The following SMG6 variants were observed in gnomAD, a reference collection of about 807,000 sequenced individuals.
SMG6 encodes the protein SMG6 nonsense mediated mRNA decay factor, also known as telomerase-binding protein EST1A.
In SMG6, 66 loss-of-function variants were observed where a neutral mutation model predicts 142.2. The observed-to-expected ratio is 0.46, with a 90% CI of 0.38 to 0.57. The LOEUF is 0.57. Ranked by LOEUF, SMG6 falls within the 20% of genes least tolerant of loss-of-function variation. The pLI is 0.00. For synonymous variants in SMG6, 779 were observed against 702.4 expected (o/e 1.11, Z -1.72); for missense variants, 1,793 against 1,832.0 (o/e 0.98, Z 0.39).
At chr17:2,181,611 A>G (rs1317284126) in intron 12 of SMG6, among the ~76,000 whole-genome samples, 1 of 152,220 alleles carries the variant, frequency 6.6e-6, no homozygotes, top group Non-Finnish European at 1.5e-5. Context: ...ATTTGGTCAG[A>G]TTTGCTCTCC....
At chr17:2,129,038 A>G (rs912882072) in intron 13 of SMG6, among the ~76,000 whole-genome samples, 4 of 152,186 alleles carry the variant, frequency 2.6e-5, no homozygotes, top group African/African-American at 9.6e-5. Context: ...GAAGAAAATG[A>G]TAGTTTTAAA....
At chr17:2,108,826 C>T (rs920033851) in intron 13 of SMG6, among the ~76,000 whole-genome samples, 15 of 151,968 alleles carry the variant, frequency 9.9e-5, no homozygotes, top group Admixed American at 2.6e-4. Flanking sequence ...CGCCTGTAAT[C>T]GCAGCTACTC....
intron 12 of SMG6, among the ~76,000 whole-genome samples, chr17:2,181,734 A>C (rs1006642360): frequency 3.3e-5 from 5 of 152,206 alleles, no homozygotes; most frequent in African/African-American, 1.2e-4. Context: ...AGCTTGGACC[A>C]CGTGCCTGCC....
intron 8 of SMG6, among the ~76,000 whole-genome samples, chr17:2,248,382 G>C (rs574480354): frequency 3.3e-5 from 5 of 152,210 alleles, no homozygotes; most frequent in African/African-American, 1.2e-4. Context: ...TTTCCTTCCT[G>C]ATTAGGTAGG....
At position 2,244,674 on chromosome 17, in the gene SMG6, GCT is replaced by G; in HGVS notation, c.2705_2706del (p.Lys902ThrfsTer15). The G allele has an allele frequency of 6.2e-7, 1 of 1,613,598 alleles. No individual in the cohort carries two copies. The highest frequency in any genetic ancestry group is 8.5e-7 in the Non-Finnish European group (1 of 1,179,478). ...CACACTTACCCAATCCGGGTAAACA[GCT>G]TCCCATGGGCATGGAGAAAACTGAG... ...FILSFLHAHG[K>X]LFTRIGMETF... On this transcript the variant is annotated frameshift_variant, in exon 9 of 19. Transcript: ENST00000263073. LOFTEE classifies it high-confidence loss of function.
chr17:2,236,252 T>C (rs2073648362), intron 10 of SMG6, among the ~76,000 whole-genome samples: 1 of 152,046 alleles, frequency 6.6e-6, no homozygotes, highest in Admixed American at 6.5e-5. Context: ...ATCTCTGCAT[T>C]TGCAAATTAA....
At position 2,300,200 on chromosome 17, in the gene SMG6, T is replaced by A. The variant is rs2075247287; in HGVS notation, c.553A>T (p.Asn185Tyr). 2 of 1,614,124 alleles carry A rather than the reference T, an allele frequency of 1.2e-6. No individual in the cohort carries two copies. Among genetic ancestry groups the A allele is most frequent in the East Asian group, 4.5e-5 (2 of 44,888 alleles). ...LRVEEDECRGNVAKEEVANKP... is the reference protein window; with the variant it reads ...LRVEEDECRGYVAKEEVANKP... ...TTCGCAACTTCCTCCTTCGCAACAT[T>A]TCCCCTACACTCATCTTCCTCTACT... is the stretch of plus-strand genomic sequence containing the variant. The change falls in exon 2 of 19, where the codon AAT (asparagine) becomes TAT (tyrosine). Residue 185 changes from asparagine (N) to tyrosine (Y), a missense_variant. Coordinates refer to ENST00000263073, the MANE Select transcript of SMG6 (RefSeq NM_017575.5).
At chr17:2,130,266 C>CAAAAAAAAAAAAAAAAAAAAAAAAA (rs903007543) in intron 13 of SMG6, among the ~76,000 whole-genome samples, 7 of 39,518 alleles carry the variant, frequency 1.8e-4, no homozygotes, top group East Asian at 1.4e-3. Flanking sequence ...GACTCCGTCT[C>CAAAAAAAAAAAAAAAAAAAAAAAAA]AAAAAAAAAA....
chr17:2,125,021 T>A (rs940951177), intron 13 of SMG6, among the ~76,000 whole-genome samples: 1 of 152,176 alleles, frequency 6.6e-6, no homozygotes, highest in Non-Finnish European at 1.5e-5. Flanking sequence ...GAATTTCTTT[T>A]AAAAACACCT....
intron 7 of SMG6, 95 bp downstream of exon 7, chr17:2,283,530 G>T: frequency 1.0e-6 from 1 of 971,540 alleles, no homozygotes; most frequent in Non-Finnish European, 1.7e-6. Flanking sequence ...AACCTCACTG[G>T]CTACGATCCT....
intron 12 of SMG6, among the ~76,000 whole-genome samples, chr17:2,179,073 C>T (rs1009622565): frequency 6.6e-6 from 1 of 152,144 alleles, no homozygotes; most frequent in African/African-American, 2.4e-5. Flanking sequence ...GGGCTCCTGC[C>T]GTGGGAGAGA....
intron 12 of SMG6, among the ~76,000 whole-genome samples, chr17:2,174,975 C>A (rs2071614282): frequency 6.6e-6 from 1 of 152,222 alleles, no homozygotes; most frequent in Admixed American, 6.5e-5. Context: ...TGCCCCACAG[C>A]CCTGATAGTT....
chr17:2,093,670 C>T (rs547659348), intron 13 of SMG6, among the ~76,000 whole-genome samples: 1 of 152,242 alleles, frequency 6.6e-6, no homozygotes, highest in South Asian at 2.1e-4. Context: ...GCTTACCTGG[C>T]TGTTGAAGCT....
At chr17:2,303,095 G>A in intron 1 of SMG6, 1 of 985,430 alleles carries the variant, frequency 1.0e-6, no homozygotes, top group Non-Finnish European at 1.2e-6. Context: ...CACATGCCAG[G>A]GCCAAACCCG....
intron 10 of SMG6, among the ~76,000 whole-genome samples, chr17:2,219,890 C>G (rs565173703): frequency 2.0e-5 from 3 of 151,902 alleles, no homozygotes; most frequent in Non-Finnish European, 2.9e-5. Flanking sequence ...GCCAAAACCC[C>G]TTCACCCAAC....
At position 2,201,971 on chromosome 17, in the gene SMG6, C is replaced by G. The variant is rs547544461; in HGVS notation, c.2870-13456G>C. On this transcript the variant is annotated intron_variant, in intron 10 of 18. Transcript: ENST00000263073. ...CCCAGAAGGTGGAGGTTGTAGTGAG[C>G]TGAGATCATGCCGCTGCACTCCAGC... Among the ~76,000 whole-genome samples the G allele has an allele frequency of 2.0e-5, 3 of 152,160 alleles. No individual in the cohort carries two copies. In the South Asian group the frequency reaches 6.2e-4, roughly 32 times the overall value.
rs1415323724 is a variant in SMG6 at position 2,139,427 on chromosome 17, T to TTTTTC, written c.3357+33230_3357+33231insGAAAA. ...TATGGAAAAGTGCCTGCTTTTTTCT[T>TTTTTC]TTTTTTTTTTTTGAGATGGAGTCTC... On this transcript the variant is annotated intron_variant, in intron 13 of 18. Transcript: ENST00000263073. Among the ~76,000 whole-genome samples the TTTTTC allele has an allele frequency of 1.2e-3, 174 of 144,436 alleles. 2 individuals carry two copies. The highest frequency in any genetic ancestry group is 4.3e-3 in the African/African-American group (161 of 37,772). The allele number at this position is 144,436 out of a possible 152,430, so 94.8% of individuals were successfully genotyped here. A position where few individuals can be genotyped will look rare whatever the true frequency, so the allele number is the denominator to read the frequency against.
chr17:2,194,388 A>G (rs2072253952), intron 10 of SMG6, among the ~76,000 whole-genome samples: 1 of 152,224 alleles, frequency 6.6e-6, no homozygotes, highest in Non-Finnish European at 1.5e-5. Context: ...ACAATGAGGG[A>G]GACCAGTTGG....
chr17:2,185,447 C>T (rs950009130), intron 12 of SMG6, among the ~76,000 whole-genome samples: 1 of 151,728 alleles, frequency 6.6e-6, no homozygotes, highest in Non-Finnish European at 1.5e-5. Flanking sequence ...TTTATGTCAC[C>T]GAACTTAGAA....
Sources: allele counts gnomAD v4.1 joint callset (sites outside exome capture counted in the v4.1 genomes callset), GRCh38; gene constraint gnomAD v4.1.1; transcripts MANE v1.5; gene names NCBI Gene and HGNC (gene_info 2026-07-23, HGNC 2026-07-21).